Variants in PLSCR4 observed in about 807,000 individuals in gnomAD.
PLSCR4 encodes phospholipid scramblase 4, also known as Ca(2+)-dependent phospholipid scramblase 4.
Under a neutral mutation model 36.3 loss-of-function variants are expected in PLSCR4, and 25 were observed. The observed-to-expected ratio is 0.69, with a 90% confidence interval of 0.50 to 0.96. The LOEUF (loss-of-function observed/expected upper bound fraction) is 0.96, where lower values mean the gene tolerates loss of function less well. Ranked by LOEUF, PLSCR4 falls within the 40% of genes least tolerant of loss-of-function variation. The probability of loss-of-function intolerance (pLI) is 0.00; values close to 1 mark genes in which losing one functional copy is unlikely to be tolerated. For missense variants in PLSCR4, 408 were observed against 414.7 expected (o/e 0.98, Z 0.14); for synonymous variants, 122 against 132.9 (o/e 0.92, Z 0.56).
At chr3:146,228,475 GA>G (rs969397175) in intron 1 of PLSCR4, among the ~76,000 whole-genome samples, 7 of 145,066 alleles carry the variant, frequency 4.8e-5, no homozygotes, top group East Asian at 2.0e-4. Flanking sequence ...GGAGTGGGGA[GA>G]AAAAAAAAAC....
Position 146,214,244 on chromosome 3 carries a change from C to T in PLSCR4, c.118+6571G>A, listed in dbSNP as rs1395865347. On this transcript the variant is annotated intron_variant, in intron 3 of 8. Transcript: ENST00000354952. ...TCACGCCATTCTCCTGCCTCAGCCT[C>T]CCAAGTAGCTGGGACTACAGGCGCC... Among the ~76,000 whole-genome samples the T allele has an allele frequency of 4.3e-5, 2 of 46,326 alleles. 1 individual carries two copies. Among genetic ancestry groups the T allele is most frequent in the African/African-American group, 1.4e-4 (2 of 14,288 alleles). 30.4% of individuals were successfully genotyped at this position (46,326 alleles called of 152,430 possible).
intron 1 of PLSCR4, among the ~76,000 whole-genome samples, chr3:146,249,991 C>A (rs1184222932): frequency 6.6e-6 from 1 of 152,124 alleles, no homozygotes; most frequent in East Asian, 1.9e-4. Flanking sequence ...TTGATAAATT[C>A]ACTTATGCTT....
chr3:146,223,019 C>T (rs994010632), intron 1 of PLSCR4, among the ~76,000 whole-genome samples: 7 of 151,888 alleles, frequency 4.6e-5, no homozygotes, highest in East Asian at 1.9e-4. Flanking sequence ...GACGGTGATC[C>T]TATTAACAAA....
chr3:146,244,114 T>G (rs904086623), intron 1 of PLSCR4, among the ~76,000 whole-genome samples: 3 of 152,188 alleles, frequency 2.0e-5, no homozygotes, highest in African/African-American at 4.8e-5. Flanking sequence ...ATAATGAATT[T>G]AGAGTCAGGA....
chr3:146,229,776 C>T (rs2035632326), intron 1 of PLSCR4, among the ~76,000 whole-genome samples: 2 of 151,860 alleles, frequency 1.3e-5, no homozygotes, highest in South Asian at 4.2e-4. Flanking sequence ...AGGCGCCCGC[C>T]ACCACGCCTG....
chr3:146,206,758 G>A lies in PLSCR4; in HGVS notation c.122C>T (p.Pro41Leu). 3 of 1,572,832 alleles carry A rather than the reference G, an allele frequency of 1.9e-6. No homozygotes were observed. Among genetic ancestry groups the A allele is most frequent in the South Asian group, 2.3e-5 (2 of 87,538 alleles). The change falls in exon 4 of 9, where the codon CCC (proline) becomes CTC (leucine). Residue 41 changes from proline to leucine, a missense_variant. By Grantham distance (98) the Pro-to-Leu change is moderately conservative. Coordinates refer to ENST00000354952, the MANE Select transcript of PLSCR4 (RefSeq NM_020353.3). ...PEYNSHFLPG[P>L]PGTAVPPPTG... The stretch of plus-strand genomic sequence containing the variant: ...AGGTGGAGGGACAGCTGTTCCAGGG[G>A]GTCCTGTGTTCAAAAGAAATCAAAG...
At position 146,195,104 on chromosome 3, in the gene PLSCR4, C is replaced by G; in HGVS notation, c.945+20G>C. 6.2e-7 allele frequency: 1 copy of G among 1,610,944 alleles called. No individual in the cohort carries two copies. The highest frequency in any genetic ancestry group is 1.3e-5 in the African/African-American group (1 of 74,952). Reference sequence around the variant, plus strand: ...AGAAAGAACAACTCTCTCAGGATAACTCAAAAATAGAAGGCTTACAATGAG... The same window carrying G: ...AGAAAGAACAACTCTCTCAGGATAAGTCAAAAATAGAAGGCTTACAATGAG... On this transcript the variant is annotated intron_variant, in intron 8 of 8. Coordinates refer to ENST00000354952, the MANE Select transcript of PLSCR4 (RefSeq NM_020353.3).
Position 146,194,403 on chromosome 3 carries a change from G to T in PLSCR4, c.*8C>A. On this transcript the variant is annotated 3_prime_UTR_variant, in exon 9 of 9. Coordinates refer to ENST00000354952, the MANE Select transcript of PLSCR4 (RefSeq NM_020353.3). ...AATTAACCATAGTTGATGGCTTGCT[G>T]TGTCTCTCTATCTTGAACGTTGTGG... The T allele has an allele frequency of 6.2e-7, 1 of 1,601,580 alleles. No homozygotes were observed. Among genetic ancestry groups the T allele is most frequent in the Non-Finnish European group, 8.6e-7 (1 of 1,169,124 alleles).
chr3:146,239,476 G>A (rs1173699237), intron 1 of PLSCR4, among the ~76,000 whole-genome samples: 1 of 133,770 alleles, frequency 7.5e-6, no homozygotes, highest in African/African-American at 2.8e-5. Context: ...GGAAGGAAAT[G>A]TCTTTTCAAC....
chr3:146,227,451 T>C (rs2035524363), intron 1 of PLSCR4, among the ~76,000 whole-genome samples: 1 of 152,212 alleles, frequency 6.6e-6, no homozygotes, highest in East Asian at 1.9e-4. Context: ...TATGCTATTA[T>C]ATGGATATCA....
At chr3:146,224,797 T>G (rs1337066347) in intron 1 of PLSCR4, among the ~76,000 whole-genome samples, 1 of 151,870 alleles carries the variant, frequency 6.6e-6, no homozygotes, top group Non-Finnish European at 1.5e-5. Context: ...TACTGATTGG[T>G]GCATTTACAA....
chr3:146,241,730 C>T (rs894624602), intron 1 of PLSCR4, among the ~76,000 whole-genome samples: 2 of 152,108 alleles, frequency 1.3e-5, no homozygotes, highest in Admixed American at 6.5e-5. Context: ...TTTCAACGTA[C>T]GGAACATTCA....
chr3:146,207,790 G>T (rs1388574912), intron 3 of PLSCR4, among the ~76,000 whole-genome samples: 1 of 151,912 alleles, frequency 6.6e-6, no homozygotes, highest in African/African-American at 2.4e-5. Flanking sequence ...AATTATCTTT[G>T]TCATTATAAG....
At chr3:146,196,883 A>G in intron 6 of PLSCR4, 90 bp from the exon 7 acceptor site, 1 of 1,078,792 alleles carries the variant, frequency 9.3e-7, no homozygotes, top group Admixed American at 2.2e-5. Context: ...ATGTGTCCTC[A>G]CTCATTCAAA....
chr3:146,210,787 T>C (rs1474429062), intron 3 of PLSCR4, among the ~76,000 whole-genome samples: 1 of 151,682 alleles, frequency 6.6e-6, no homozygotes, highest in Non-Finnish European at 1.5e-5. Flanking sequence ...CTACTATCTG[T>C]GGATTTGCCT....
At position 146,192,807 on chromosome 3, in the gene PLSCR4, C is replaced by A. The variant is rs1391198892; in HGVS notation, c.*1604G>T. On this transcript the variant is annotated 3_prime_UTR_variant, in exon 9 of 9. Coordinates refer to ENST00000354952, the MANE Select transcript of PLSCR4 (RefSeq NM_020353.3). ...CAATTAATATTTTAGAAAGCAGCAA[C>A]TTTTACTTTTTTTAAAAAAAAAAGC... 6.7e-6 allele frequency: 1 copy of A among 149,614 alleles called. No homozygotes were observed. Among genetic ancestry groups the A allele is most frequent in the Non-Finnish European group, 1.5e-5 (1 of 67,846 alleles). The allele number at this position is 149,614 out of a possible 1,614,324, so 9.3% of individuals were successfully genotyped here.
At chr3:146,212,456 GTT>G (rs34304483) in intron 3 of PLSCR4, among the ~76,000 whole-genome samples, 3 of 137,160 alleles carry the variant, frequency 2.2e-5, no homozygotes, top group African/African-American at 2.7e-5. Context: ...TGTTTTTTGG[GTT>G]TTTTTTTTTT....
rs376336369 is a variant in PLSCR4, at chr3:146,200,061, T to A, written c.398-22A>T. Reference sequence around the variant, plus strand: ...ATCACTAAAAAATAAAATGAGTAAGTCTATATTAGAAACATTTAAAATGGG... The same window carrying A: ...ATCACTAAAAAATAAAATGAGTAAGACTATATTAGAAACATTTAAAATGGG... On this transcript the variant is annotated intron_variant, in intron 5 of 8. Transcript: ENST00000354952. 1.8e-3 allele frequency: 2,407 copies of A among 1,351,874 alleles called. 6 individuals carry two copies. Among genetic ancestry groups the A allele is most frequent in the Non-Finnish European group, 2.4e-3 (2,272 of 949,602 alleles). 83.7% of individuals were successfully genotyped at this position (1,351,874 alleles called of 1,614,324 possible).
In PLSCR4 at chr3:146,206,586, T is replaced by C. The variant is rs1312250308; in HGVS notation, c.294A>G (p.Thr98=). Residue 98 remains threonine (T), a synonymous_variant, in exon 4 of 9, where the codon ACA becomes ACG. Coordinates refer to ENST00000354952, the MANE Select transcript of PLSCR4 (RefSeq NM_020353.3). ...YPMPNQSVPI[T]WMPGPTPMAN... Reference sequence around the variant, plus strand: ...CCATAGGAGTTGGCCCTGGCATCCATGTTATTGGAACAGACTGATTTGGCA... The same window carrying C: ...CCATAGGAGTTGGCCCTGGCATCCACGTTATTGGAACAGACTGATTTGGCA... 1.2e-6 allele frequency: 2 copies of C among 1,613,570 alleles called. No homozygotes were observed. Among genetic ancestry groups the C allele is most frequent in the East Asian group, 2.2e-5 (1 of 44,854 alleles).
Sources: allele counts gnomAD v4.1 joint callset (sites outside exome capture counted in the v4.1 genomes callset), GRCh38; gene constraint gnomAD v4.1.1; transcripts MANE v1.5; gene names NCBI Gene and HGNC (gene_info 2026-07-23, HGNC 2026-07-21).